The following SMYD3 variants were observed in gnomAD, a reference collection of about 807,000 sequenced individuals.
The protein encoded by SMYD3 is histone-lysine N-methyltransferase SMYD3.
Under a neutral mutation model 57.7 loss-of-function variants are expected in SMYD3, and 36 were observed. That is an observed-to-expected ratio of 0.62 (90% CI 0.48 to 0.82). SMYD3 has a LOEUF of 0.82. Among genes scored for constraint, SMYD3 ranks in the 40% least tolerant of loss-of-function variants. The probability of loss-of-function intolerance (pLI) is 0.00; values close to 1 mark genes in which losing one functional copy is unlikely to be tolerated. For missense variants in SMYD3, 515 were observed against 538.8 expected, an observed-to-expected ratio of 0.96 and a Z score of 0.44; for synonymous variants, 211 against 195.0, an observed-to-expected ratio of 1.08 and a Z score of -0.68.
At chr1:245,773,428 C>T (rs528172863) in intron 10 of SMYD3, among the ~76,000 whole-genome samples, 2 of 152,200 alleles carry the variant, frequency 1.3e-5, no homozygotes, top group Non-Finnish European at 2.9e-5. Context: ...CAATTATTTT[C>T]ACTTCACACT....
rs1309872022 is a variant in SMYD3, at chr1:246,248,631, C to CTTGTTTTTTTTTTTTT, written c.531+78569_531+78570insAAAAAAAAAAAAACAA. 3.6e-4 allele frequency among the ~76,000 whole-genome samples: 43 copies of CTTGTTTTTTTTTTTTT among 119,260 alleles called. 3 individuals carry two copies. Among genetic ancestry groups the CTTGTTTTTTTTTTTTT allele is most frequent in the African/African-American group, 7.9e-4 (23 of 29,296 alleles). 78.2% of individuals were successfully genotyped at this position (119,260 alleles called of 152,430 possible). The stretch of plus-strand genomic sequence containing the variant: ...GGCCAGTTATGCAAAAGCTCTCTGA[C>CTTGTTTTTTTTTTTTT]TTTCCTTTTTTTTTTTTTTTTTTTT... On this transcript the variant is annotated intron_variant, in intron 5 of 11. Transcript: ENST00000490107.
Position 245,761,000 on chromosome 1 carries a change from C to T in SMYD3, c.1185+3041G>A, listed in dbSNP as rs540368771. 7.2e-5 allele frequency among the ~76,000 whole-genome samples: 11 copies of T among 152,312 alleles called. No individual in the cohort carries two copies. The South Asian group carries it at 1.7e-3, about 23-fold the overall frequency. ...AAATGAAATTATATTCAGAGATTAACGCAAATGGTGGGACTGGAACCTGAA... is the reference window on the plus strand; with the variant it reads ...AAATGAAATTATATTCAGAGATTAATGCAAATGGTGGGACTGGAACCTGAA... On this transcript the variant is annotated intron_variant, in intron 11 of 11. Transcript: ENST00000490107.
chr1:245,818,175 C>G (rs2148327029), intron 10 of SMYD3, among the ~76,000 whole-genome samples: 1 of 152,278 alleles, frequency 6.6e-6, no homozygotes, highest in South Asian at 2.1e-4. Context: ...CAAAGGGAAG[C>G]CCATCAGACT....
intron 5 of SMYD3, among the ~76,000 whole-genome samples, chr1:246,043,472 G>A (rs1198432605): frequency 6.6e-6 from 1 of 152,124 alleles, no homozygotes; most frequent in Admixed American, 6.6e-5. Flanking sequence ...CCAAAACAAG[G>A]TGACTATTTT....
At chr1:246,314,066 A>G (rs981249285) in intron 5 of SMYD3, among the ~76,000 whole-genome samples, 1 of 152,214 alleles carries the variant, frequency 6.6e-6, no homozygotes, top group African/African-American at 2.4e-5. Context: ...ATCATTTGAC[A>G]TGAATAATCC....
intron 1 of SMYD3, among the ~76,000 whole-genome samples, chr1:246,367,440 G>C (rs2066124809): frequency 1.3e-5 from 2 of 152,218 alleles, no homozygotes; most frequent in African/African-American, 4.8e-5. Context: ...CAGAAAGGTA[G>C]AGAACATGCT....
chr1:246,302,594 T>C (rs2064909693), intron 5 of SMYD3, among the ~76,000 whole-genome samples: 1 of 152,168 alleles, frequency 6.6e-6, no homozygotes, highest in Non-Finnish European at 1.5e-5. Flanking sequence ...TAAGTTCAGA[T>C]GAAGACTGAA....
intron 10 of SMYD3, among the ~76,000 whole-genome samples, chr1:245,799,064 T>C (rs971750322): frequency 2.6e-5 from 4 of 152,176 alleles, no homozygotes; most frequent in South Asian, 2.1e-4. Context: ...GCCCTCTCCA[T>C]AGCAGAGAAC....
intron 2 of SMYD3, among the ~76,000 whole-genome samples, chr1:246,346,244 C>T (rs2065713547): frequency 6.6e-6 from 1 of 152,086 alleles, no homozygotes; most frequent in South Asian, 2.1e-4. Context: ...AGACGTTCTA[C>T]TGCACTCCAG....
intron 1 of SMYD3, among the ~76,000 whole-genome samples, chr1:246,381,006 T>C (rs183449916): frequency 4.7e-4 from 72 of 152,272 alleles, no homozygotes; most frequent in African/African-American, 1.3e-3. Flanking sequence ...AAAGAAAAAG[T>C]GAGCCATGAA....
intron 5 of SMYD3, among the ~76,000 whole-genome samples, chr1:246,062,091 ACG>A (rs2060263732): frequency 6.6e-6 from 1 of 152,234 alleles, no homozygotes. Context: ...GGCAGCACAA[ACG>A]AATCCCACAG....
intron 5 of SMYD3, among the ~76,000 whole-genome samples, chr1:246,160,907 G>C (rs76164811): frequency 0.032 from 4,858 of 152,234 alleles, 271 homozygotes; most frequent in African/African-American, 0.11. Flanking sequence ...TGTGGGACCT[G>C]GCAGAGCAAC....
chr1:246,238,679 T>G (rs1445391547), intron 5 of SMYD3, among the ~76,000 whole-genome samples: 1 of 152,180 alleles, frequency 6.6e-6, no homozygotes, highest in East Asian at 1.9e-4. Flanking sequence ...TGCAATTCTT[T>G]CTTACATCTC....
intron 5 of SMYD3, among the ~76,000 whole-genome samples, chr1:246,031,137 A>G (rs550358155): frequency 1.3e-5 from 2 of 152,156 alleles, no homozygotes; most frequent in Non-Finnish European, 2.9e-5. Flanking sequence ...TAGACCTTTT[A>G]TCTGTATGTT....
At chr1:246,361,402 T>A (rs1572419412) in intron 1 of SMYD3, among the ~76,000 whole-genome samples, 1 of 152,278 alleles carries the variant, frequency 6.6e-6, no homozygotes, top group East Asian at 1.9e-4. Flanking sequence ...CCTAAAGAAC[T>A]AAAAGTAAAT....
At chr1:246,001,195 T>G (rs1302891234) in intron 5 of SMYD3, among the ~76,000 whole-genome samples, 1 of 152,234 alleles carries the variant, frequency 6.6e-6, no homozygotes, top group Non-Finnish European at 1.5e-5. Flanking sequence ...CCTATTCACC[T>G]GAAGTTCCTT....
At chr1:246,504,095 G>T (rs77427216) in intron 1 of SMYD3, among the ~76,000 whole-genome samples, 1 of 152,124 alleles carries the variant, frequency 6.6e-6, no homozygotes, top group East Asian at 1.9e-4. Flanking sequence ...AGAGGAAAAA[G>T]GTAAGATAAG....
At chr1:245,792,978 A>G (rs550226993) in intron 10 of SMYD3, among the ~76,000 whole-genome samples, 1 of 152,298 alleles carries the variant, frequency 6.6e-6, no homozygotes, top group South Asian at 2.1e-4. Context: ...GTTTCAGAAG[A>G]CTTGCCTCCT....
Position 246,289,107 on chromosome 1 carries a change from C to T in SMYD3, c.531+38094G>A, listed in dbSNP as rs556262723. Among the ~76,000 whole-genome samples, 295 of 152,186 alleles carry T rather than the reference C, an allele frequency of 1.9e-3. 1 individual carries two copies. Among genetic ancestry groups the T allele is most frequent in the African/African-American group, 6.8e-3 (282 of 41,518 alleles). On this transcript the variant is annotated intron_variant, in intron 5 of 11. Transcript: ENST00000490107. ...TCCAGCCTGGGCAACAAAAGCAAAA[C>T]TTCGTCTCAAAAGAAAATAATAATC...
Sources: gnomAD v4.1 joint callset for allele counts (sites outside exome capture counted in the v4.1 genomes callset) on GRCh38, gnomAD v4.1.1 for gene constraint, MANE v1.5 for transcripts, NCBI Gene and HGNC (gene_info 2026-07-23, HGNC 2026-07-21) for gene names.